DLGAP2: variants seen among roughly 807,000 people sequenced by gnomAD.
The protein encoded by DLGAP2 is DLG associated protein 2.
In DLGAP2, 26 loss-of-function variants were observed where a neutral mutation model predicts 100.3. That is an observed-to-expected ratio of 0.26 (90% confidence interval 0.19 to 0.36). DLGAP2 has a LOEUF of 0.36. Ranked by LOEUF, DLGAP2 falls within the 10% of genes least tolerant of loss-of-function variation. The pLI is 1.00. For missense variants in DLGAP2, 1,858 were observed against 1,453.2 expected (o/e 1.28, Z -4.53); for synonymous variants, 886 against 630.1 (o/e 1.41, Z -6.08).
At chr8:1,381,730 C>T (rs1056106406) in intron 3 of DLGAP2, among the ~76,000 whole-genome samples, 2 of 151,472 alleles carry the variant, frequency 1.3e-5, no homozygotes, top group East Asian at 1.9e-4. Flanking sequence ...AGCTCCATCG[C>T]GTTGCCGTGA....
chr8:935,560 T>C (rs1003803075), intron 2 of DLGAP2, among the ~76,000 whole-genome samples: 2 of 152,242 alleles, frequency 1.3e-5, no homozygotes, highest in Non-Finnish European at 2.9e-5. Context: ...AAATGGCACA[T>C]GTGCTCACAC....
At chr8:823,017 C>T (rs1172341914) in intron 1 of DLGAP2, among the ~76,000 whole-genome samples, 1 of 151,982 alleles carries the variant, frequency 6.6e-6, no homozygotes, top group Non-Finnish European at 1.5e-5. Flanking sequence ...ATTTCTTATT[C>T]CAGAGGTGCT....
chr8:1,050,033 TAC>T (rs769275565), intron 2 of DLGAP2, among the ~76,000 whole-genome samples: 6 of 151,916 alleles, frequency 3.9e-5, no homozygotes, highest in African/African-American at 7.3e-5. Context: ...CGGATATGTG[TAC>T]ACACATGCTG....
At chr8:866,168 G>A (rs1466683733) in intron 1 of DLGAP2, among the ~76,000 whole-genome samples, 4 of 152,124 alleles carry the variant, frequency 2.6e-5, no homozygotes, top group Non-Finnish European at 4.4e-5. Flanking sequence ...GGCCCTCGGT[G>A]CCTCTCACAT....
At chr8:958,114 C>T (rs1438507631) in intron 2 of DLGAP2, among the ~76,000 whole-genome samples, 1 of 152,168 alleles carries the variant, frequency 6.6e-6, no homozygotes, top group Non-Finnish European at 1.5e-5. Flanking sequence ...CTAGATGTTT[C>T]TCAAAAGCGG....
intron 1 of DLGAP2, among the ~76,000 whole-genome samples, chr8:820,839 A>G (rs1303498271): frequency 2.0e-5 from 3 of 152,216 alleles, no homozygotes; most frequent in African/African-American, 7.2e-5. Context: ...TTGTGGGGCT[A>G]AAATAATTGT....
chr8:1,177,219 G>T (rs989561392), intron 2 of DLGAP2, among the ~76,000 whole-genome samples: 2 of 152,134 alleles, frequency 1.3e-5, no homozygotes, highest in Non-Finnish European at 2.9e-5. Context: ...CAGCTATGCG[G>T]TTTGTCTTGT....
chr8:1,155,538 A>T (rs1167206062), intron 2 of DLGAP2, among the ~76,000 whole-genome samples: 3 of 152,062 alleles, frequency 2.0e-5, no homozygotes, highest in Non-Finnish European at 4.4e-5. Flanking sequence ...TGACGACAGC[A>T]TATGTGATGT....
chr8:865,700 G>A (rs941023546), intron 1 of DLGAP2, among the ~76,000 whole-genome samples: 1 of 152,220 alleles, frequency 6.6e-6, no homozygotes, highest in Non-Finnish European at 1.5e-5. Context: ...CTCACAACGT[G>A]CTCTTCTTTT....
At position 1,666,191 on chromosome 8, in the gene DLGAP2, A is replaced by G. The variant is rs572225734; in HGVS notation, c.1811-2138A>G. ...GTGCCTTGAATCTTGTCAGTTTTCA[A>G]TAATTTTGCTTAAGGCATTGATTGA... is the stretch of plus-strand genomic sequence containing the variant. On this transcript the variant is annotated intron_variant, in intron 8 of 14. Coordinates refer to ENST00000637795, the MANE Select transcript of DLGAP2 (RefSeq NM_001346810.2). Among the ~76,000 whole-genome samples the G allele has an allele frequency of 9.8e-4, 149 of 152,338 alleles. 2 individuals are homozygous for G. The South Asian group carries it at 0.01, about 11-fold the overall frequency.
intron 3 of DLGAP2, among the ~76,000 whole-genome samples, chr8:1,332,704 G>A (rs1020982432): frequency 2.6e-5 from 4 of 152,132 alleles, no homozygotes; most frequent in Admixed American, 1.3e-4. Flanking sequence ...CAGAATTCAC[G>A]TCTGAGTCAC....
chr8:1,081,979 C>T (rs185407337), intron 2 of DLGAP2, among the ~76,000 whole-genome samples: 119 of 152,260 alleles, frequency 7.8e-4, no homozygotes, highest in African/African-American at 2.7e-3. Flanking sequence ...AAGGGGAGAT[C>T]TCCAAGAAAA....
At chr8:1,517,265 C>T (rs1800424454) in intron 4 of DLGAP2, among the ~76,000 whole-genome samples, 1 of 152,102 alleles carries the variant, frequency 6.6e-6, no homozygotes, top group Non-Finnish European at 1.5e-5. Flanking sequence ...TCTGTGGGGT[C>T]AGGAGCTTGG....
At chr8:985,483 A>G (rs148302996) in intron 2 of DLGAP2, among the ~76,000 whole-genome samples, 43 of 152,348 alleles carry the variant, frequency 2.8e-4, no homozygotes, top group African/African-American at 9.9e-4. Flanking sequence ...AGTCTCAAAG[A>G]TGTTAATTTC....
intron 3 of DLGAP2, among the ~76,000 whole-genome samples, chr8:1,358,023 G>A (rs977922816): frequency 6.6e-6 from 1 of 152,190 alleles, no homozygotes; most frequent in Non-Finnish European, 1.5e-5. Context: ...CCAAATGGAG[G>A]AAGGAGGGGA....
intron 6 of DLGAP2, among the ~76,000 whole-genome samples, chr8:1,572,593 T>C (rs1398566547): frequency 7.2e-5 from 4 of 55,254 alleles, no homozygotes; most frequent in African/African-American, 3.0e-4. Context: ...CGTCTGCTGG[T>C]ATGGAGAGGA....
chr8:1,540,274 CT>C (rs1225586692), intron 4 of DLGAP2, among the ~76,000 whole-genome samples: 2 of 152,350 alleles, frequency 1.3e-5, no homozygotes, highest in South Asian at 4.1e-4. Context: ...GTGTTTGTCA[CT>C]GTCTGACGTT....
intron 3 of DLGAP2, among the ~76,000 whole-genome samples, chr8:1,366,905 C>T (rs759083855): frequency 6.6e-6 from 1 of 152,152 alleles, no homozygotes; most frequent in African/African-American, 2.4e-5. Context: ...AACACACATG[C>T]ATGTGACCAC....
At chr8:881,594 G>T (rs1453751605) in intron 1 of DLGAP2, among the ~76,000 whole-genome samples, 1 of 143,996 alleles carries the variant, frequency 6.9e-6, no homozygotes, top group Non-Finnish European at 1.5e-5. Context: ...CCACCTCCTG[G>T]GTTCAAGCAG....
Sources: gnomAD v4.1 joint callset for allele counts (sites outside exome capture counted in the v4.1 genomes callset) on GRCh38, gnomAD v4.1.1 for gene constraint, MANE v1.5 for transcripts, NCBI Gene and HGNC (gene_info 2026-07-23, HGNC 2026-07-21) for gene names.